Variants in SRBD1 observed in about 807,000 individuals in gnomAD.
SRBD1 encodes S1 RNA binding domain 1.
In SRBD1, 88 loss-of-function variants were observed where a neutral mutation model predicts 115.3. The ratio of observed to expected loss-of-function variants is 0.76; its 90% confidence interval spans 0.64 to 0.91. The LOEUF (loss-of-function observed/expected upper bound fraction) is 0.91, where lower values mean the gene tolerates loss of function less well. SRBD1 is among the 40% of genes least tolerant of loss of function. SRBD1 has a pLI of 0.00. For missense variants in SRBD1, 1,385 were observed against 1,177.4 expected, an observed-to-expected ratio of 1.18 and a Z score of -2.58; for synonymous variants, 509 against 407.7, an observed-to-expected ratio of 1.25 and a Z score of -2.99.
In SRBD1 at chr2:45,563,131, AG is replaced by A. The variant is rs1672725463; in HGVS notation, c.1306-376del. 3.9e-5 allele frequency among the ~76,000 whole-genome samples: 6 copies of A among 152,282 alleles called. No homozygotes were observed. In the South Asian group the frequency reaches 1.2e-3, roughly 32 times the overall value. On this transcript the variant is annotated intron_variant, in intron 9 of 20. Coordinates refer to ENST00000263736, the MANE Select transcript of SRBD1 (RefSeq NM_018079.5). Reference sequence around the variant, plus strand: ...GATAAATACAAACATGTAAAATCCTAGGTGCAATATTTAGTAGCTACAAATT... The same window carrying A: ...GATAAATACAAACATGTAAAATCCTAGTGCAATATTTAGTAGCTACAAATT...
At chr2:45,420,812 T>A (rs952825990) in intron 16 of SRBD1, among the ~76,000 whole-genome samples, 2 of 152,228 alleles carry the variant, frequency 1.3e-5, no homozygotes, top group African/African-American at 4.8e-5. Flanking sequence ...CAGATGCACA[T>A]TCTTAGAAGC....
At chr2:45,541,478 T>A (rs1489896269) in intron 14 of SRBD1, among the ~76,000 whole-genome samples, 2 of 152,340 alleles carry the variant, frequency 1.3e-5, no homozygotes, top group East Asian at 1.9e-4. Flanking sequence ...TTGTCCCATG[T>A]CCAAGAAGAA....
At chr2:45,418,890 T>C (rs1667916466) in intron 17 of SRBD1, among the ~76,000 whole-genome samples, 1 of 152,192 alleles carries the variant, frequency 6.6e-6, no homozygotes, top group African/African-American at 2.4e-5. Flanking sequence ...CCTATTTTTT[T>C]CAGCATACAT....
chr2:45,455,652 A>G (rs1221383649), intron 16 of SRBD1, among the ~76,000 whole-genome samples: 1 of 151,830 alleles, frequency 6.6e-6, no homozygotes, highest in Non-Finnish European at 1.5e-5. Flanking sequence ...TAGGGATAAC[A>G]AGCAAACATT....
chr2:45,463,969 A>G (rs932796918), intron 16 of SRBD1, among the ~76,000 whole-genome samples: 7 of 152,114 alleles, frequency 4.6e-5, no homozygotes, highest in Non-Finnish European at 8.8e-5. Flanking sequence ...CCATCGCAAC[A>G]AAGTTTTTCT....
chr2:45,481,650 A>G (rs1357354139), intron 15 of SRBD1, among the ~76,000 whole-genome samples: 1 of 152,174 alleles, frequency 6.6e-6, no homozygotes. Context: ...ATATGTCCAT[A>G]TAAAATCTTA....
chr2:45,437,958 G>A (rs898924166), intron 16 of SRBD1, among the ~76,000 whole-genome samples: 10 of 152,052 alleles, frequency 6.6e-5, no homozygotes, highest in African/African-American at 2.4e-4. Flanking sequence ...AGTGAATATA[G>A]GTTATTATCT....
chr2:45,476,154 A>G (rs1024229110), intron 16 of SRBD1, among the ~76,000 whole-genome samples: 2 of 152,208 alleles, frequency 1.3e-5, no homozygotes, highest in African/African-American at 4.8e-5. Context: ...GAATCTCAAT[A>G]TATGACAGGT....
intron 7 of SRBD1, among the ~76,000 whole-genome samples, chr2:45,579,416 TG>T (rs1673276252): frequency 1.3e-5 from 2 of 152,188 alleles, no homozygotes; most frequent in African/African-American, 4.8e-5. Flanking sequence ...AAATAAAAGC[TG>T]TAACAGACAA....
intron 16 of SRBD1, among the ~76,000 whole-genome samples, chr2:45,421,918 C>T (rs947303834): frequency 6.6e-6 from 1 of 152,058 alleles, no homozygotes; most frequent in Non-Finnish European, 1.5e-5. Context: ...TGAAAAAGAT[C>T]GTAAAGTAAA....
chr2:45,504,748 G>C (rs772010179), intron 14 of SRBD1, among the ~76,000 whole-genome samples: 3 of 152,092 alleles, frequency 2.0e-5, no homozygotes, highest in Non-Finnish European at 4.4e-5. Flanking sequence ...GCTCGAGGGG[G>C]AAAAGGGAAG....
chr2:45,589,476 G>A (rs1359755054), intron 4 of SRBD1, among the ~76,000 whole-genome samples: 1 of 152,170 alleles, frequency 6.6e-6, no homozygotes. Flanking sequence ...AGAGATGACA[G>A]GTGGAAACGA....
rs376023075 is a variant in SRBD1, at chr2:45,532,926, A to G, written c.1874+13806T>C. Among the ~76,000 whole-genome samples the G allele has an allele frequency of 1.5e-3, 235 of 152,220 alleles. 2 individuals carry two copies. Among genetic ancestry groups the G allele is most frequent in the African/African-American group, 5.3e-3 (222 of 41,566 alleles). ...ATATAACCAAAAGAAAAGGATCTCA[A>G]CAAAGGATTTCAGTAATTTTGAATT... On this transcript the variant is annotated intron_variant, in intron 14 of 20. Transcript: ENST00000263736.
At chr2:45,543,310 T>G (rs963026299) in intron 14 of SRBD1, among the ~76,000 whole-genome samples, 2 of 152,198 alleles carry the variant, frequency 1.3e-5, no homozygotes, top group African/African-American at 4.8e-5. Flanking sequence ...TAAGGTATTT[T>G]AAGGGTAGGG....
In SRBD1 at chr2:45,579,867, G is replaced by T; in HGVS notation, c.1072+8C>A. The T allele has an allele frequency of 1.3e-6, 2 of 1,543,510 alleles. No individual in the cohort carries two copies. Among genetic ancestry groups the T allele is most frequent in the Non-Finnish European group, 8.7e-7 (1 of 1,152,376 alleles). ...AACAAAGTTGATCTCTGTAAATAAA[G>T]CCAGTACCTTTAACGTCAGGCCTAA... On this transcript the variant is annotated splice_region_variant and intron_variant, in intron 7 of 20. Coordinates refer to ENST00000263736, the MANE Select transcript of SRBD1 (RefSeq NM_018079.5).
At chr2:45,590,711 G>A (rs1402055321) in intron 4 of SRBD1, among the ~76,000 whole-genome samples, 2 of 152,114 alleles carry the variant, frequency 1.3e-5, no homozygotes, top group Admixed American at 6.5e-5. Context: ...ATGCTGTACT[G>A]TAAGTCAATT....
At chr2:45,481,961 G>A (rs1669979993) in intron 15 of SRBD1, among the ~76,000 whole-genome samples, 1 of 152,096 alleles carries the variant, frequency 6.6e-6, no homozygotes, top group Admixed American at 6.6e-5. Flanking sequence ...TTTGGGTGGT[G>A]AGTGAAGACA....
intron 17 of SRBD1, among the ~76,000 whole-genome samples, chr2:45,418,821 T>C (rs1182696066): frequency 6.6e-6 from 1 of 152,196 alleles, no homozygotes; most frequent in African/African-American, 2.4e-5. Flanking sequence ...AAAAAAATGT[T>C]CCTTAGTTTT....
intron 16 of SRBD1, among the ~76,000 whole-genome samples, chr2:45,461,054 T>A (rs1669299096): frequency 6.6e-6 from 1 of 152,194 alleles, no homozygotes; most frequent in Admixed American, 6.5e-5. Flanking sequence ...CGTGGACCTC[T>A]CTCCTCTATA....
Sources: gnomAD v4.1 joint callset for allele counts (sites outside exome capture counted in the v4.1 genomes callset) on GRCh38, gnomAD v4.1.1 for gene constraint, MANE v1.5 for transcripts, NCBI Gene and HGNC (gene_info 2026-07-23, HGNC 2026-07-21) for gene names.